CDH8: variants seen among roughly 807,000 people sequenced by gnomAD.
CDH8 encodes cadherin-8.
Under a neutral mutation model 68.1 loss-of-function variants are expected in CDH8, and 17 were observed. The ratio of observed to expected loss-of-function variants is 0.25; its 90% CI spans 0.17 to 0.37. CDH8 has a LOEUF of 0.37. CDH8 is among the 10% of genes least tolerant of loss of function. The pLI is 1.00. For synonymous variants in CDH8, 372 were observed against 365.1 expected (o/e 1.02, Z -0.21); for missense variants, 763 against 999.3 (o/e 0.76, Z 3.19).
chr16:61,750,476 T>A (rs529944737), intron 8 of CDH8, among the ~76,000 whole-genome samples: 78 of 152,242 alleles, frequency 5.1e-4, no homozygotes, highest in Non-Finnish European at 9.3e-4. Flanking sequence ...TATCTCAGGG[T>A]TGACTCAGTG....
intron 8 of CDH8, among the ~76,000 whole-genome samples, chr16:61,740,665 T>A (rs190802093): frequency 1.3e-5 from 2 of 152,188 alleles, no homozygotes; most frequent in Non-Finnish European, 2.9e-5. Context: ...CATATTTGCA[T>A]GTAGATGCTT....
intron 4 of CDH8, among the ~76,000 whole-genome samples, chr16:61,836,378 T>C (rs1286278732): frequency 6.6e-6 from 1 of 151,980 alleles, no homozygotes; most frequent in Admixed American, 6.6e-5. Context: ...AAGACAGCAC[T>C]TACCCCAAAA....
intron 7 of CDH8, among the ~76,000 whole-genome samples, chr16:61,813,641 G>A (rs1408011570): frequency 6.6e-6 from 1 of 152,110 alleles, no homozygotes; most frequent in Non-Finnish European, 1.5e-5. Context: ...TGTGAGGTGG[G>A]GAGCCTGTTA....
intron 3 of CDH8, among the ~76,000 whole-genome samples, chr16:61,879,756 C>G (rs369630255): frequency 1.3e-5 from 2 of 152,138 alleles, no homozygotes; most frequent in African/African-American, 4.8e-5. Context: ...TGCATCCAGC[C>G]AGTCCTGTGA....
rs753990790 is a variant in CDH8 at position 61,821,008 on chromosome 16, T to C, written c.941A>G (p.Asp314Gly). 1.2e-6 allele frequency: 2 copies of C among 1,612,776 alleles called. No homozygotes were observed. Among genetic ancestry groups the C allele is most frequent in the Admixed American group, 1.7e-5 (1 of 59,896 alleles). ...TGCTGTTCCATCTCCATCGATGATA[T>C]CATATGATGACTGTGCATTTTCACC... ...DIGENAQSSY[D>G]IIDGDGTALF... Residue 314 changes from aspartate to glycine, a missense_variant, in exon 6 of 12, where the codon GAT becomes GGT. By Grantham distance (94) the Asp-to-Gly change is moderately conservative (BLOSUM62 -1). This residue lies in a region of CDH8 where 366 missense variants were observed against 563.1 expected (regional missense o/e 0.65). Transcript: ENST00000577390.
intron 2 of CDH8, among the ~76,000 whole-genome samples, chr16:61,928,913 T>C (rs1964496061): frequency 6.6e-6 from 1 of 151,926 alleles, no homozygotes; most frequent in South Asian, 2.1e-4. Context: ...TGTTTTTAGG[T>C]TTTGTTTTGA....
intron 2 of CDH8, among the ~76,000 whole-genome samples, chr16:61,901,866 T>C (rs1019075366): frequency 1.3e-5 from 2 of 152,180 alleles, no homozygotes; most frequent in African/African-American, 4.8e-5. Context: ...ACTTCTCATA[T>C]AATCATATCC....
At chr16:61,965,932 A>C (rs1241208174) in intron 2 of CDH8, among the ~76,000 whole-genome samples, 1 of 152,220 alleles carries the variant, frequency 6.6e-6, no homozygotes, top group African/African-American at 2.4e-5. Context: ...CAGAATCCTG[A>C]CAACTAATTG....
chr16:61,827,491 A>G (rs942149792), intron 4 of CDH8, among the ~76,000 whole-genome samples: 11 of 151,892 alleles, frequency 7.2e-5, no homozygotes, highest in Admixed American at 7.2e-4. Context: ...TATTCTCATC[A>G]TTTCTTTTAT....
intron 2 of CDH8, among the ~76,000 whole-genome samples, chr16:61,957,903 G>C (rs1172774138): frequency 6.6e-6 from 1 of 151,950 alleles, no homozygotes; most frequent in Non-Finnish European, 1.5e-5. Context: ...CCTAGTGCAG[G>C]GTCTGCTTTA....
intron 8 of CDH8, among the ~76,000 whole-genome samples, chr16:61,736,837 C>G (rs1177390495): frequency 6.6e-6 from 1 of 152,088 alleles, no homozygotes; most frequent in Non-Finnish European, 1.5e-5. Context: ...TGCCTTTCAT[C>G]TGATATACAA....
At chr16:61,710,293 A>G (rs1404348531) in intron 10 of CDH8, among the ~76,000 whole-genome samples, 3 of 151,998 alleles carry the variant, frequency 2.0e-5, no homozygotes, top group Admixed American at 1.3e-4. Context: ...AATAAACTGT[A>G]TACCATTTGA....
intron 2 of CDH8, among the ~76,000 whole-genome samples, chr16:61,980,509 GC>G (rs1965511980): frequency 6.6e-6 from 1 of 151,968 alleles, no homozygotes; most frequent in Non-Finnish European, 1.5e-5. Flanking sequence ...GCTTTTAAGG[GC>G]CCTGGGAGTA....
chr16:61,804,223 G>T lies in CDH8; in HGVS notation c.1277+13256C>A, dbSNP rs1421563755. On this transcript the variant is annotated intron_variant, in intron 7 of 11. Coordinates refer to ENST00000577390, the MANE Select transcript of CDH8 (RefSeq NM_001796.5). ...CAACCTGCTCCTGAATGACTACTGGGTACGTAACGAAATGAAGGCAGAAAT... is the reference window on the plus strand; with the variant it reads ...CAACCTGCTCCTGAATGACTACTGGTTACGTAACGAAATGAAGGCAGAAAT... Among the ~76,000 whole-genome samples the T allele has an allele frequency of 2.0e-5, 3 of 151,336 alleles. No homozygotes were observed. In the East Asian group the frequency reaches 5.8e-4, roughly 29 times the overall value.
chr16:61,946,616 C>A (rs1964804750), intron 2 of CDH8, among the ~76,000 whole-genome samples: 1 of 152,166 alleles, frequency 6.6e-6, no homozygotes, highest in South Asian at 2.1e-4. Context: ...GGTTAGGAAA[C>A]TGGCGTTTGA....
chr16:61,734,538 T>A (rs191608462), intron 8 of CDH8, among the ~76,000 whole-genome samples: 4 of 152,210 alleles, frequency 2.6e-5, no homozygotes, highest in Admixed American at 2.6e-4. Context: ...GGCAAGTCCT[T>A]CCAGTTTTCT....
chr16:61,720,125 T>C (rs974897116), intron 9 of CDH8, among the ~76,000 whole-genome samples: 2 of 150,952 alleles, frequency 1.3e-5, no homozygotes, highest in African/African-American at 4.8e-5. Context: ...CTTTAAAAGA[T>C]TGGAAGACTT....
intron 2 of CDH8, among the ~76,000 whole-genome samples, chr16:61,965,182 G>A (rs984207015): frequency 4.6e-5 from 7 of 152,178 alleles, no homozygotes; most frequent in East Asian, 1.9e-4. Flanking sequence ...CTAACTAACC[G>A]TACAAAGTGG....
At chr16:61,763,317 C>T (rs931902340) in intron 8 of CDH8, among the ~76,000 whole-genome samples, 3 of 152,116 alleles carry the variant, frequency 2.0e-5, no homozygotes, top group African/African-American at 2.4e-5. Flanking sequence ...TCACTCAGAC[C>T]GTTCTGACCA....
Sources: allele counts gnomAD v4.1 joint callset (sites outside exome capture counted in the v4.1 genomes callset), GRCh38; gene constraint gnomAD v4.1.1; regional missense constraint gnomAD v4.1.1; transcripts MANE v1.5; gene names NCBI Gene and HGNC (gene_info 2026-07-23, HGNC 2026-07-21).